YAP1: variants seen among roughly 807,000 people sequenced by gnomAD.
YAP1 encodes the protein Yes1 associated transcriptional regulator.
YAP1 carries 5 observed loss-of-function variants against 56.9 expected under a neutral mutation model. The observed-to-expected ratio is 0.09, with a 90% CI of 0.05 to 0.18. The LOEUF is 0.18. Ranked by LOEUF, YAP1 falls within the 10% of genes least tolerant of loss-of-function variation. The pLI, the probability that YAP1 is intolerant of heterozygous loss-of-function variation, is 1.00. For synonymous variants in YAP1, 265 were observed against 248.1 expected, an observed-to-expected ratio of 1.07 and a Z score of -0.64; for missense variants, 539 against 651.8, an observed-to-expected ratio of 0.83 and a Z score of 1.88.
At chr11:102,221,501 A>G (rs1949927577) in intron 6 of YAP1, among the ~76,000 whole-genome samples, 1 of 152,146 alleles carries the variant, frequency 6.6e-6, no homozygotes, top group Non-Finnish European at 1.5e-5. Context: ...AGGAGGGTAG[A>G]TCATCTGAGC....
At chr11:102,173,026 T>G (rs1320603028) in intron 3 of YAP1, among the ~76,000 whole-genome samples, 1 of 151,826 alleles carries the variant, frequency 6.6e-6, no homozygotes, top group Non-Finnish European at 1.5e-5. Context: ...AACAGAGGAG[T>G]GACATGGTAT....
At chr11:102,193,767 G>A (rs563417750) in intron 4 of YAP1, among the ~76,000 whole-genome samples, 2 of 151,778 alleles carry the variant, frequency 1.3e-5, no homozygotes, top group Admixed American at 1.3e-4. Flanking sequence ...CCTTATTCGT[G>A]TTACTAAAGC....
At chr11:102,157,875 A>G (rs1591264870) in intron 2 of YAP1, among the ~76,000 whole-genome samples, 1 of 152,356 alleles carries the variant, frequency 6.6e-6, no homozygotes, top group Admixed American at 6.5e-5. Context: ...TTACAACACA[A>G]TGAAGACAGT....
chr11:102,140,537 C>G (rs1944955543), intron 2 of YAP1, among the ~76,000 whole-genome samples: 1 of 152,160 alleles, frequency 6.6e-6, no homozygotes. Flanking sequence ...CCCCAGATTA[C>G]TAGGCCTTTT....
chr11:102,172,300 A>ATTTTTT (rs752185861), intron 3 of YAP1, among the ~76,000 whole-genome samples: 2 of 110,820 alleles, frequency 1.8e-5, no homozygotes, highest in African/African-American at 4.3e-5. Context: ...ACAGTGAAGA[A>ATTTTTT]TTTTTTTTTT....
chr11:102,227,295 A>G (rs1950239742), intron 7 of YAP1, among the ~76,000 whole-genome samples, 174 bp from the exon 8 acceptor site: 1 of 152,212 alleles, frequency 6.6e-6, no homozygotes, highest in Non-Finnish European at 1.5e-5. Flanking sequence ...TTCACTTCAT[A>G]GCACAAGCCC....
intron 4 of YAP1, among the ~76,000 whole-genome samples, chr11:102,196,835 G>T (rs1288962065): frequency 6.6e-6 from 1 of 152,080 alleles, no homozygotes; most frequent in African/African-American, 2.4e-5. Flanking sequence ...ATCATAAAAA[G>T]ATGTATTCAG....
intron 2 of YAP1, 93 bp from the exon 3 acceptor site, chr11:102,162,363 C>T (rs1160891075): frequency 8.6e-6 from 9 of 1,045,272 alleles, no homozygotes; most frequent in East Asian, 4.8e-5. Flanking sequence ...TTACAGAGCT[C>T]GCTTGGCACC....
intron 2 of YAP1, among the ~76,000 whole-genome samples, chr11:102,129,731 C>T: frequency 6.8e-6 from 1 of 146,272 alleles, no homozygotes; most frequent in Admixed American, 6.9e-5. Context: ...TTTCAGTAGT[C>T]TTGTCCTTGT....
At chr11:102,150,789 A>G (rs1945594151) in intron 2 of YAP1, among the ~76,000 whole-genome samples, 1 of 149,518 alleles carries the variant, frequency 6.7e-6, no homozygotes, top group African/African-American at 2.4e-5. Context: ...CAGTGAAAAC[A>G]TACATACAAA....
At chr11:102,198,140 C>G (rs901170965) in intron 4 of YAP1, among the ~76,000 whole-genome samples, 4 of 152,212 alleles carry the variant, frequency 2.6e-5, no homozygotes, top group Non-Finnish European at 5.9e-5. Flanking sequence ...CAGAGTATTT[C>G]TCTTACATAA....
At chr11:102,135,722 T>A (rs1458036834) in intron 2 of YAP1, among the ~76,000 whole-genome samples, 1 of 152,176 alleles carries the variant, frequency 6.6e-6, no homozygotes, top group East Asian at 1.9e-4. Context: ...CATTTTTCAA[T>A]GGGAGGAATA....
chr11:102,121,258 C>T (rs1305568945), intron 2 of YAP1, among the ~76,000 whole-genome samples: 1 of 151,880 alleles, frequency 6.6e-6, no homozygotes, highest in African/African-American at 2.4e-5. Flanking sequence ...GGCAATGTAG[C>T]AAGATCTCAT....
intron 3 of YAP1, among the ~76,000 whole-genome samples, chr11:102,182,620 A>T (rs927077401): frequency 6.6e-6 from 1 of 152,162 alleles, no homozygotes; most frequent in Non-Finnish European, 1.5e-5. Context: ...TAAAGCCTTT[A>T]TCTGTATTGT....
At position 102,132,568 on chromosome 11, in the gene YAP1, A is replaced by G. The variant is rs77025752; in HGVS notation, c.572+18174A>G. On this transcript the variant is annotated intron_variant, in intron 2 of 8. Transcript: ENST00000282441. ...ATTGTTAACTATAATTGTATCCTGTATACATTTTTTAAAGGTTTGTTTTGA... is the reference window on the plus strand; with the variant it reads ...ATTGTTAACTATAATTGTATCCTGTGTACATTTTTTAAAGGTTTGTTTTGA... 3.5e-3 allele frequency among the ~76,000 whole-genome samples: 527 copies of G among 152,302 alleles called. 2 individuals carry two copies. The highest frequency in any genetic ancestry group is 0.012 in the African/African-American group (492 of 41,566).
intron 3 of YAP1, among the ~76,000 whole-genome samples, chr11:102,182,674 C>A (rs922321962): frequency 6.6e-6 from 1 of 152,148 alleles, no homozygotes; most frequent in Non-Finnish European, 1.5e-5. Flanking sequence ...TTTTCTCTAT[C>A]TTAATTCTAT....
At position 102,111,094 on chromosome 11, in the gene YAP1, G is replaced by C. The variant is rs1465324347; in HGVS notation, c.246G>C (p.Gln82His). 1.2e-6 allele frequency: 2 copies of C among 1,613,334 alleles called. No homozygotes were observed. Among genetic ancestry groups the C allele is most frequent in the African/African-American group, 2.7e-5 (2 of 74,912 alleles). The change falls in exon 1 of 9, where the codon CAG (glutamine) becomes CAC (histidine). Residue 82 changes from glutamine to histidine, a missense_variant. This residue lies in a region of YAP1 where 414 missense variants were observed against 512.4 expected (regional missense o/e 0.81). Coordinates refer to ENST00000282441, the MANE Select transcript of YAP1 (RefSeq NM_001130145.3). ...ACCCCAAGACGGCCAACGTGCCCCA[G>C]ACCGTGCCCATGAGGCTCCGGAAGC... is the stretch of plus-strand genomic sequence containing the variant. ...VMNPKTANVP[Q>H]TVPMRLRKLP...
intron 7 of YAP1, among the ~76,000 whole-genome samples, chr11:102,225,723 A>C (rs765403142): frequency 3.3e-5 from 5 of 152,130 alleles, no homozygotes; most frequent in Non-Finnish European, 7.3e-5. Context: ...TTGTTCTGAA[A>C]GCACTGTGCT....
chr11:102,189,172 C>T (rs189961964), intron 4 of YAP1, among the ~76,000 whole-genome samples: 1 of 151,946 alleles, frequency 6.6e-6, no homozygotes, highest in Non-Finnish European at 1.5e-5. Context: ...CATATAAACA[C>T]ATAGGAGGTG....
Sources: allele counts gnomAD v4.1 joint callset (sites outside exome capture counted in the v4.1 genomes callset), GRCh38; gene constraint gnomAD v4.1.1; regional missense constraint gnomAD v4.1.1; transcripts MANE v1.5; gene names NCBI Gene and HGNC (gene_info 2026-07-23, HGNC 2026-07-21).